The following CAMK4 variants were observed in gnomAD, a reference collection of about 807,000 sequenced individuals.
The protein encoded by CAMK4 is calcium/calmodulin-dependent protein kinase type IV.
Under a neutral mutation model 44.9 loss-of-function variants are expected in CAMK4, and 22 were observed. The ratio of observed to expected loss-of-function variants is 0.49; its 90% CI spans 0.35 to 0.70. The LOEUF (loss-of-function observed/expected upper bound fraction) is 0.70. Among genes scored for constraint, CAMK4 ranks in the 30% least tolerant of loss-of-function variants. The pLI is 0.01. For synonymous variants in CAMK4, 218 were observed against 215.4 expected, an observed-to-expected ratio of 1.01 and a Z score of -0.11; for missense variants, 498 against 586.8, an observed-to-expected ratio of 0.85 and a Z score of 1.56.
chr5:111,236,562 T>C lies in CAMK4; in HGVS notation c.161+11918T>C, dbSNP rs367891241. 2.0e-5 allele frequency among the ~76,000 whole-genome samples: 3 copies of C among 152,344 alleles called. No homozygotes were observed. In the East Asian group the frequency reaches 5.8e-4, roughly 29 times the overall value. On this transcript the variant is annotated intron_variant, in intron 1 of 10. Coordinates refer to ENST00000282356, the MANE Select transcript of CAMK4 (RefSeq NM_001744.6). ...CTTCAGCACTCATGCTCTTTTGCTC[T>C]ACCTGCCTTGGCTGCACAGATGCCT...
intron 5 of CAMK4, among the ~76,000 whole-genome samples, chr5:111,414,650 A>G (rs888511779): frequency 3.3e-5 from 5 of 152,220 alleles, no homozygotes; most frequent in Non-Finnish European, 7.3e-5. Context: ...AACAAAATCT[A>G]TTGGATTGTA....
intron 5 of CAMK4, among the ~76,000 whole-genome samples, chr5:111,425,208 T>A (rs1443989633): frequency 6.6e-6 from 1 of 150,566 alleles, no homozygotes; most frequent in Non-Finnish European, 1.5e-5. Flanking sequence ...CGTGAGTCAG[T>A]AGAGATTGGG....
chr5:111,480,683 T>C lies in CAMK4; in HGVS notation c.829-2102T>C, dbSNP rs144443606. ...TCAGGCTCATGATCTAACCTTGCTA[T>C]GCTTTAGTTTTCTCATCTAGGATGA... is the stretch of plus-strand genomic sequence containing the variant. On this transcript the variant is annotated intron_variant, in intron 9 of 10. Transcript: ENST00000282356. 1.1e-4 allele frequency among the ~76,000 whole-genome samples: 16 copies of C among 152,288 alleles called. No individual in the cohort carries two copies. In the East Asian group the frequency reaches 3.1e-3, roughly 29 times the overall value.
At chr5:111,261,876 T>C (rs924689402) in intron 1 of CAMK4, among the ~76,000 whole-genome samples, 2 of 151,340 alleles carry the variant, frequency 1.3e-5, no homozygotes, top group South Asian at 2.1e-4. Flanking sequence ...CTTAAAAGTA[T>C]TTTTTTTTCC....
intron 7 of CAMK4, among the ~76,000 whole-genome samples, chr5:111,462,533 T>G (rs1021953519): frequency 6.6e-6 from 1 of 152,224 alleles, no homozygotes; most frequent in Non-Finnish European, 1.5e-5. Flanking sequence ...TTCATTCACC[T>G]TAGTCTCCCT....
At position 111,229,313 on chromosome 5, in the gene CAMK4, AGGAAGAGAGAAAGAGAGG is replaced by A. The variant is rs1462131085; in HGVS notation, c.161+4684_161+4701del. 2.0e-5 allele frequency among the ~76,000 whole-genome samples: 3 copies of A among 152,310 alleles called. No individual in the cohort carries two copies. In the East Asian group the frequency reaches 5.8e-4, roughly 29 times the overall value. ...CTCGCTGTGTCGTCACAAGGCAGAG[AGGAAGAGAGAAAGAGAGG>A]GGAAGAGAGAAAGAAACCAAGCTCT... On this transcript the variant is annotated intron_variant, in intron 1 of 10. Coordinates refer to ENST00000282356, the MANE Select transcript of CAMK4 (RefSeq NM_001744.6).
intron 1 of CAMK4, among the ~76,000 whole-genome samples, chr5:111,321,247 C>T (rs908149395): frequency 5.3e-5 from 8 of 152,102 alleles, no homozygotes; most frequent in African/African-American, 1.9e-4. Context: ...TCAGGTCTCA[C>T]CAATGCTGCT....
intron 1 of CAMK4, among the ~76,000 whole-genome samples, chr5:111,321,856 A>G (rs1748676858): frequency 6.6e-6 from 1 of 152,186 alleles, no homozygotes; most frequent in African/African-American, 2.4e-5. Context: ...AAATAGATTT[A>G]TCATTTGTTA....
chr5:111,323,563 A>G (rs968171848), intron 1 of CAMK4, among the ~76,000 whole-genome samples: 7 of 150,992 alleles, frequency 4.6e-5, no homozygotes, highest in Non-Finnish European at 1.0e-4. Flanking sequence ...GTCCCATTTG[A>G]AAAAAAAATG....
At chr5:111,364,824 G>A (rs1003342271) in intron 2 of CAMK4, 15 of 152,100 alleles carry the variant, frequency 9.9e-5, no homozygotes, top group African/African-American at 3.6e-4. Context: ...AAGCTTATCT[G>A]ATGATTACAG....
Position 111,446,760 on chromosome 5 carries a change from T to C in CAMK4, c.534T>C (p.Asp178=), listed in dbSNP as rs745528963. 1 of 1,604,710 alleles carries C rather than the reference T, an allele frequency of 6.2e-7. No homozygotes were observed. Among genetic ancestry groups the C allele is most frequent in the Non-Finnish European group, 8.5e-7 (1 of 1,171,520 alleles). The change falls in exon 6 of 11, where the codon GAT becomes GAC. Residue 178 remains aspartate (D), a synonymous_variant. Transcript: ENST00000282356. ...TTCTTTATGCAACTCCAGCCCCAGA[T>C]GCACCACTCAAAATCGGTGAGAACA... ...ENLLYATPAP[D]APLKIADFGL...
At chr5:111,225,140 G>C (rs1451854981) in intron 1 of CAMK4, among the ~76,000 whole-genome samples, 1 of 152,208 alleles carries the variant, frequency 6.6e-6, no homozygotes, top group African/African-American at 2.4e-5. Context: ...CTTCCCTGCA[G>C]AGTCTGCTCA....
chr5:111,235,336 G>A (rs1212378569), intron 1 of CAMK4, among the ~76,000 whole-genome samples: 2 of 151,938 alleles, frequency 1.3e-5, no homozygotes, highest in Non-Finnish European at 2.9e-5. Flanking sequence ...GAGAAAATAA[G>A]ACTATGCTAT....
intron 7 of CAMK4, among the ~76,000 whole-genome samples, chr5:111,460,271 C>T (rs386850): frequency 0.72 from 94,816 of 130,844 alleles, 35,416 homozygotes; most frequent in Non-Finnish European, 0.82. Context: ...TTTTCTTTTT[C>T]TTTTTTTTTT....
At chr5:111,273,186 A>G (rs1040127906) in intron 1 of CAMK4, among the ~76,000 whole-genome samples, 9 of 152,150 alleles carry the variant, frequency 5.9e-5, no homozygotes, top group Non-Finnish European at 1.0e-4. Flanking sequence ...ATTACTTTCT[A>G]TATTTGTTAC....
chr5:111,363,331 A>G (rs1184283082), intron 2 of CAMK4, among the ~76,000 whole-genome samples: 1 of 152,020 alleles, frequency 6.6e-6, no homozygotes, highest in African/African-American at 2.4e-5. Flanking sequence ...TTAATGTTAA[A>G]CCAGAATTTT....
At chr5:111,449,329 T>C (rs1179888247) in intron 7 of CAMK4, 126 bp downstream of exon 7, 6 of 513,228 alleles carry the variant, frequency 1.2e-5, no homozygotes, top group African/African-American at 4.0e-5. Context: ...TGCAAATCTC[T>C]ATGAGGAAGG....
In CAMK4 at chr5:111,484,262, A is replaced by C. The variant is rs1755534663; in HGVS notation, c.1218A>C (p.Ala406=). ...KVQALEKVKG[A]DINAEEAPKM... is the part of the protein sequence containing the mutation. ...AAGCCTTAGAGAAAGTTAAAGGTGC[A>C]GATATAAATGCTGAAGAGGCCCCCA... Residue 406 remains alanine, a synonymous_variant, in exon 11 of 11, where the codon GCA becomes GCC. Coordinates refer to ENST00000282356, the MANE Select transcript of CAMK4 (RefSeq NM_001744.6). The surrounding 1 kb of genome is among the most constrained non-coding windows in gnomAD (Gnocchi z 5.3). 1.2e-6 allele frequency: 2 copies of C among 1,614,122 alleles called. No individual in the cohort carries two copies. The highest frequency in any genetic ancestry group is 1.7e-6 in the Non-Finnish European group (2 of 1,180,018).
chr5:111,470,074 G>A (rs1347112), intron 7 of CAMK4, among the ~76,000 whole-genome samples: 48,664 of 152,122 alleles, frequency 0.32, 9,452 homozygotes, highest in East Asian at 0.43. Flanking sequence ...GTGTGCATTC[G>A]GCTCCTTGAC....
Sources: gnomAD v4.1 joint callset for allele counts (sites outside exome capture counted in the v4.1 genomes callset) on GRCh38, gnomAD v4.1.1 for gene constraint, Gnocchi (gnomAD v3.1) non-coding constraint, MANE v1.5 for transcripts, NCBI Gene and HGNC (gene_info 2026-07-23, HGNC 2026-07-21) for gene names.